Variants in MAPK11 observed in about 807,000 individuals in gnomAD.
The protein encoded by MAPK11 is mitogen-activated protein kinase 11.
Under a neutral mutation model 52.2 loss-of-function variants are expected in MAPK11, and 44 were observed. The observed-to-expected ratio is 0.84, with a 90% CI of 0.66 to 1.08. The LOEUF (loss-of-function observed/expected upper bound fraction) is 1.08, where lower values mean the gene tolerates loss of function less well. MAPK11 is among the 50% of genes least tolerant of loss of function. The probability of loss-of-function intolerance (pLI) is 0.00; values close to 1 mark genes in which losing one functional copy is unlikely to be tolerated. For missense variants in MAPK11, 436 were observed against 494.7 expected (o/e 0.88, Z 1.13); for synonymous variants, 233 against 206.3 (o/e 1.13, Z -1.11).
At chr22:50,268,082 C>T in intron 1 of MAPK11, 133 bp from the exon 2 acceptor site, 6 of 1,092,548 alleles carry the variant, frequency 5.5e-6, no homozygotes, top group Non-Finnish European at 7.4e-6. Context: ...CCGGCCCCGC[C>T]GCCCCAGCTC....
chr22:50,267,621 C>G lies in MAPK11; in HGVS notation c.253G>C (p.Gly85Arg). 3.2e-6 allele frequency: 5 copies of G among 1,540,836 alleles called. No individual in the cohort carries two copies. Among genetic ancestry groups the G allele is most frequent in the Non-Finnish European group, 4.4e-6 (5 of 1,144,232 alleles). ...GCCGGCGTGAAGACGTCCAGAAGCC[C>G]GATGACCTAGGTGGCGGGGGGCGTC... is the stretch of plus-strand genomic sequence containing the variant. Reference protein sequence around the residue: ...LKHLKHENVIGLLDVFTPATS... With the variant: ...LKHLKHENVIRLLDVFTPATS... Residue 85 changes from glycine to arginine, a missense_variant, in exon 3 of 12, where the codon GGG becomes CGG. Gly to Arg is a moderately radical substitution (Grantham distance 125). Transcript: ENST00000330651.
Position 50,267,918 on chromosome 22 carries a change from C to G in MAPK11, c.148G>C (p.Val50Leu). Residue 50 changes from valine (V) to leucine (L), a missense_variant, in exon 2 of 12, where the codon GTG (valine) becomes CTG (leucine). Physicochemically the swap from Val to Leu is conservative, Grantham distance 32. Transcript: ENST00000330651. ...GGGCGCGACAGCTTCTTCACCGCCACCTTCTGGCGCAGCCGGGCGTCGTAG... is the reference window on the plus strand; with the variant it reads ...GGGCGCGACAGCTTCTTCACCGCCAGCTTCTGGCGCAGCCGGGCGTCGTAG... ...SAYDARLRQKVAVKKLSRPFQ... is the reference protein window; with the variant it reads ...SAYDARLRQKLAVKKLSRPFQ... 6.3e-7 allele frequency: 1 copy of G among 1,582,976 alleles called. No homozygotes were observed. The highest frequency in any genetic ancestry group is 8.6e-7 in the Non-Finnish European group (1 of 1,167,302).
chr22:50,267,671 T>G (rs1431292958), intron 2 of MAPK11, 44 bp from the exon 3 acceptor site: 2 of 1,498,944 alleles, frequency 1.3e-6, no homozygotes. Context: ...AACCCCCGGC[T>G]GTCGTTCAGC....
chr22:50,268,525 T>A (rs1217330104), intron 1 of MAPK11, among the ~76,000 whole-genome samples: 1 of 152,224 alleles, frequency 6.6e-6, no homozygotes, highest in Non-Finnish European at 1.5e-5. Context: ...GGGCGTCAGC[T>A]GGACCCACAG....
chr22:50,266,192 A>G (rs1407257866), intron 9 of MAPK11, 34 bp downstream of exon 9: 1 of 1,529,564 alleles, frequency 6.5e-7, no homozygotes, highest in Admixed American at 1.9e-5. Context: ...CTCAGCCAGG[A>G]GAGGGAGCTG....
Position 50,267,936 on chromosome 22 carries a change from C to A in MAPK11, c.130G>T (p.Ala44Ser). ...AYGSVCSAYD[A>S]RLRQKVAVKK... is the part of the protein sequence containing the mutation. ...ACCGCCACCTTCTGGCGCAGCCGGG[C>A]GTCGTAGGCCGAACTGGAAGGCGGG... Residue 44 changes from alanine to serine, a missense_variant, in exon 2 of 12, where the codon GCC becomes TCC. Coordinates refer to ENST00000330651, the MANE Select transcript of MAPK11 (RefSeq NM_002751.7). The A allele has an allele frequency of 1.9e-6, 3 of 1,569,630 alleles. No individual in the cohort carries two copies. Among genetic ancestry groups the A allele is most frequent in the Non-Finnish European group, 1.7e-6 (2 of 1,160,610 alleles).
rs2065279175 is a variant in MAPK11 at position 50,267,898 on chromosome 22, C to T, written c.168G>A (p.Ser56=). 5 of 1,587,440 alleles carry T rather than the reference C, an allele frequency of 3.1e-6. No homozygotes were observed. The highest frequency in any genetic ancestry group is 3.4e-6 in the Non-Finnish European group (4 of 1,169,544). ...LRQKVAVKKL[S]RPFQSLIHAR... Reference sequence around the variant, plus strand: ...CGTGGATCAGCGACTGGAAGGGGCGCGACAGCTTCTTCACCGCCACCTTCT... The same window carrying T: ...CGTGGATCAGCGACTGGAAGGGGCGTGACAGCTTCTTCACCGCCACCTTCT... Residue 56 remains serine (S), a synonymous_variant, in exon 2 of 12, where the codon TCG becomes TCA. Coordinates refer to ENST00000330651, the MANE Select transcript of MAPK11 (RefSeq NM_002751.7).
chr22:50,269,356 G>A (rs2065290035), intron 1 of MAPK11, among the ~76,000 whole-genome samples: 1 of 152,154 alleles, frequency 6.6e-6, no homozygotes, highest in African/African-American at 2.4e-5. Context: ...CAAGTGCCTG[G>A]GGCAGAGCTC....
chr22:50,266,308 G>A lies in MAPK11; in HGVS notation c.683-3C>T. The A allele has an allele frequency of 6.2e-7, 1 of 1,604,988 alleles. No individual in the cohort carries two copies. Among genetic ancestry groups the A allele is most frequent in the Non-Finnish European group, 8.5e-7 (1 of 1,175,874 alleles). On this transcript the variant is annotated splice_polypyrimidine_tract_variant and splice_region_variant and intron_variant, in intron 8 of 11. Transcript: ENST00000330651. ...GATGCGCTTCAGCTGGTCAATGTCT[G>A]TGTCACTCAGGAAACACCCACGGGC...
In MAPK11 at chr22:50,265,649, A is replaced by T; in HGVS notation, c.774T>A (p.Tyr258Ter). 1 of 1,581,738 alleles carries T rather than the reference A, an allele frequency of 6.3e-7. No individual in the cohort carries two copies. The highest frequency in any genetic ancestry group is 8.6e-7 in the Non-Finnish European group (1 of 1,161,442). ...AKISSEHART[Y>*]IQSLPPMPQK... ...GGGGCATGGGGGGCAGGGACTGGAT[A>T]TATGTCCGGGCCTGGGGGCACACAA... is the stretch of plus-strand genomic sequence containing the variant. Residue 258 changes from tyrosine to a stop codon, truncating the protein, a stop_gained, in exon 10 of 12, where the codon TAT becomes TAA. Coordinates refer to ENST00000330651, the MANE Select transcript of MAPK11 (RefSeq NM_002751.7). LOFTEE classifies it high-confidence loss of function.
chr22:50,269,466 G>C (rs2147272897), intron 1 of MAPK11, among the ~76,000 whole-genome samples: 1 of 152,326 alleles, frequency 6.6e-6, no homozygotes, highest in East Asian at 1.9e-4. Flanking sequence ...ACCTCTCAAA[G>C]CCTGTACCCA....
At chr22:50,268,476 T>C (rs1347438474) in intron 1 of MAPK11, among the ~76,000 whole-genome samples, 1 of 152,188 alleles carries the variant, frequency 6.6e-6, no homozygotes, top group Non-Finnish European at 1.5e-5. Flanking sequence ...TGCATCATTA[T>C]TTGGAACAAA....
chr22:50,267,258 C>A lies in MAPK11; in HGVS notation c.446G>T (p.Arg149Leu). The A allele has an allele frequency of 6.2e-7, 1 of 1,606,342 alleles. No homozygotes were observed. Among genetic ancestry groups the A allele is most frequent in the South Asian group, 1.1e-5 (1 of 90,258 alleles). Residue 149 changes from arginine to leucine, a missense_variant and splice_region_variant, in exon 5 of 12, where the codon CGG becomes CTG. Coordinates refer to ENST00000330651, the MANE Select transcript of MAPK11 (RefSeq NM_002751.7). ...KYIHSAGIIHRDLKPSNVAVN... is the reference protein window; with the variant it reads ...KYIHSAGIIHLDLKPSNVAVN... ...CCCTCACCCTGCGGTCGCACCTACCCGGTGGATGATCCCGGCCGAGTGGAT... is the reference window on the plus strand; with the variant it reads ...CCCTCACCCTGCGGTCGCACCTACCAGGTGGATGATCCCGGCCGAGTGGAT...
Position 50,267,909 on chromosome 22 carries a change from T to C in MAPK11, c.157A>G (p.Lys53Glu). 1 of 1,586,522 alleles carries C rather than the reference T, an allele frequency of 6.3e-7. No homozygotes were observed. The highest frequency in any genetic ancestry group is 8.6e-7 in the Non-Finnish European group (1 of 1,169,038). The change falls in exon 2 of 12, where the codon AAG (lysine) becomes GAG (glutamate). Residue 53 changes from lysine (K) to glutamate (E), a missense_variant. By Grantham distance (56) the Lys-to-Glu change is moderately conservative (BLOSUM62 1). Coordinates refer to ENST00000330651, the MANE Select transcript of MAPK11 (RefSeq NM_002751.7). ...DARLRQKVAV[K>E]KLSRPFQSLI... ...GACTGGAAGGGGCGCGACAGCTTCT[T>C]CACCGCCACCTTCTGGCGCAGCCGG...
Position 50,265,448 on chromosome 22 carries a change from C to A in MAPK11, c.888G>T (p.Arg296Ser). 2 of 1,613,172 alleles carry A rather than the reference C, an allele frequency of 1.2e-6. No individual in the cohort carries two copies. Among genetic ancestry groups the A allele is most frequent in the Non-Finnish European group, 1.7e-6 (2 of 1,179,998 alleles). Residue 296 changes from arginine to serine, a missense_variant, in exon 11 of 12, where the codon AGG becomes AGT. Transcript: ENST00000330651. ...GGGCCAGTGCCTCAGCTGCACTGACCCTCTGGTCACTGTCCAGCACCAGCA... is the reference window on the plus strand; with the variant it reads ...GGGCCAGTGCCTCAGCTGCACTGACACTCTGGTCACTGTCCAGCACCAGCA... ...GRMLVLDSDQ[R>S]VSAAEALAHA... is the part of the protein sequence containing the mutation.
At chr22:50,266,494 G>A (rs1221958207) in intron 8 of MAPK11, 46 bp downstream of exon 8, 1 of 1,498,400 alleles carries the variant, frequency 6.7e-7, no homozygotes, top group Non-Finnish European at 8.9e-7. Flanking sequence ...CTACCCTACA[G>A]GAGGGGCCCT....
intron 1 of MAPK11, 120 bp from the exon 2 acceptor site, chr22:50,268,069 G>A (rs2065280997): frequency 9.7e-7 from 1 of 1,031,898 alleles, no homozygotes; most frequent in Non-Finnish European, 1.3e-6. Context: ...GGGCTTTTCT[G>A]CCCCGGCCCC....
At chr22:50,265,144 A>AGG (rs2147267738) in intron 11 of MAPK11, 117 bp from the exon 12 acceptor site, 1 of 1,092,856 alleles carries the variant, frequency 9.2e-7, no homozygotes, top group Non-Finnish European at 1.2e-6. Flanking sequence ...GCCTCAGCAC[A>AGG]GTCTGGGAGC....
intron 11 of MAPK11, 46 bp from the exon 12 acceptor site, chr22:50,265,073 G>T (rs2065251642): frequency 6.6e-7 from 1 of 1,513,930 alleles, no homozygotes; most frequent in Non-Finnish European, 9.1e-7. Flanking sequence ...CCACAGCCCG[G>T]CCCCTCACCT....
Sources: allele counts gnomAD v4.1 joint callset (sites outside exome capture counted in the v4.1 genomes callset), GRCh38; gene constraint gnomAD v4.1.1; transcripts MANE v1.5; gene names NCBI Gene and HGNC (gene_info 2026-07-23, HGNC 2026-07-21).